OPCML: variants seen among roughly 807,000 people sequenced by gnomAD.
OPCML encodes opioid binding protein/cell adhesion molecule like.
In OPCML, 13 loss-of-function variants were observed where a neutral mutation model predicts 37.8. That is an observed-to-expected ratio of 0.34 (90% CI 0.22 to 0.55). The LOEUF (loss-of-function observed/expected upper bound fraction) is 0.55, where lower values mean the gene tolerates loss of function less well. OPCML is among the 20% of genes least tolerant of loss of function. OPCML has a pLI of 0.91. For missense variants in OPCML, 341 were observed against 435.6 expected, an observed-to-expected ratio of 0.78 and a Z score of 1.93; for synonymous variants, 176 against 168.8, an observed-to-expected ratio of 1.04 and a Z score of -0.33.
chr11:133,483,221 A>G (rs1157082630), intron 1 of OPCML, among the ~76,000 whole-genome samples: 2 of 152,134 alleles, frequency 1.3e-5, no homozygotes, highest in Non-Finnish European at 1.5e-5. Context: ...ATCTGGAAGA[A>G]TGGCAAAATT....
intron 3 of OPCML, among the ~76,000 whole-genome samples, chr11:132,548,724 G>A (rs147170763): frequency 7.6e-4 from 115 of 152,258 alleles, no homozygotes; most frequent in African/African-American, 2.6e-3. Context: ...CTGGACCCAA[G>A]TTAAATTCAA....
rs535286172 is a variant in OPCML at position 133,046,107 on chromosome 11, C to T, written c.62-103097G>A. Among the ~76,000 whole-genome samples, 24 of 152,266 alleles carry T rather than the reference C, an allele frequency of 1.6e-4. 1 individual carries two copies. In the South Asian group the frequency reaches 1.7e-3, roughly 11 times the overall value. ...CTGGAGACACCAGCCCGAGATTCGA[C>T]CTGGGGAAGTGTGTGAGAACCTGTA... On this transcript the variant is annotated intron_variant, in intron 1 of 7. Transcript: ENST00000524381.
intron 1 of OPCML, among the ~76,000 whole-genome samples, chr11:133,530,754 A>T (rs1247800939): frequency 6.6e-6 from 1 of 152,236 alleles, no homozygotes; most frequent in Non-Finnish European, 1.5e-5. Flanking sequence ...TCCCTGCTTT[A>T]AAAAGTGCCA....
chr11:133,512,917 A>T (rs762818601), intron 1 of OPCML, among the ~76,000 whole-genome samples: 1 of 152,240 alleles, frequency 6.6e-6, no homozygotes, highest in Non-Finnish European at 1.5e-5. Flanking sequence ...TTCTTATTAT[A>T]TCACAATATC....
At chr11:132,731,361 G>A (rs1374071302) in intron 2 of OPCML, among the ~76,000 whole-genome samples, 1 of 152,176 alleles carries the variant, frequency 6.6e-6, no homozygotes, top group African/African-American at 2.4e-5. Context: ...TAATAAATCT[G>A]ATGGTGATGC....
intron 2 of OPCML, among the ~76,000 whole-genome samples, chr11:132,900,746 G>T (rs1403137832): frequency 6.6e-6 from 1 of 152,002 alleles, no homozygotes; most frequent in Non-Finnish European, 1.5e-5. Flanking sequence ...ACTAACTCCA[G>T]CTCCTTCATG....
intron 1 of OPCML, chr11:133,025,106 T>C: frequency 5.3e-6 from 4 of 750,838 alleles, no homozygotes; most frequent in Non-Finnish European, 6.5e-6. Flanking sequence ...TTTTCCTTCA[T>C]AGGGAGGAAA....
intron 2 of OPCML, among the ~76,000 whole-genome samples, chr11:132,914,713 T>C (rs1365703378): frequency 2.0e-5 from 3 of 152,140 alleles, no homozygotes; most frequent in African/African-American, 7.2e-5. Context: ...TACCAACCCA[T>C]AGCAGCCACT....
At chr11:133,374,467 G>C (rs558234768) in intron 1 of OPCML, among the ~76,000 whole-genome samples, 1 of 152,158 alleles carries the variant, frequency 6.6e-6, no homozygotes, top group Non-Finnish European at 1.5e-5. Flanking sequence ...GTAGTCTATC[G>C]TGTGTCCATT....
chr11:133,156,014 C>T (rs980957716), intron 1 of OPCML, among the ~76,000 whole-genome samples: 1 of 152,178 alleles, frequency 6.6e-6, no homozygotes, highest in Non-Finnish European at 1.5e-5. Flanking sequence ...GAGAGCAAGA[C>T]ACTCTGCCAC....
intron 1 of OPCML, among the ~76,000 whole-genome samples, chr11:133,270,355 AG>A (rs1941791833): frequency 6.6e-6 from 1 of 152,062 alleles, no homozygotes; most frequent in Admixed American, 6.5e-5. Context: ...AATATCACAC[AG>A]TTGGGACAAA....
intron 2 of OPCML, among the ~76,000 whole-genome samples, chr11:132,680,777 T>C (rs59037315): frequency 0.018 from 2,748 of 152,314 alleles, 72 homozygotes; most frequent in African/African-American, 0.052. Flanking sequence ...AGCCAGGCCC[T>C]AGCTTGAATC....
intron 1 of OPCML, among the ~76,000 whole-genome samples, chr11:133,450,491 G>T (rs1199918551): frequency 3.3e-5 from 5 of 151,332 alleles, no homozygotes; most frequent in African/African-American, 1.2e-4. Context: ...ATAATATGGA[G>T]ACTGGGCAGG....
At position 132,418,866 on chromosome 11, in the gene OPCML, C is replaced by G. The variant is rs2095947616; in HGVS notation, c.*1327G>C. On this transcript the variant is annotated 3_prime_UTR_variant, in exon 8 of 8. Coordinates refer to ENST00000524381, the MANE Select transcript of OPCML (RefSeq NM_001012393.5). Reference sequence around the variant, plus strand: ...TTGAGAGAAGCATAAAGGCTGGCACCTTTGTCCTTCAAGTGCAAAAGGAAA... The same window carrying G: ...TTGAGAGAAGCATAAAGGCTGGCACGTTTGTCCTTCAAGTGCAAAAGGAAA... 2.0e-5 allele frequency: 3 copies of G among 152,626 alleles called. No homozygotes were observed. 9.5% of individuals were successfully genotyped at this position (152,626 alleles called of 1,614,324 possible).
At position 132,886,807 on chromosome 11, in the gene OPCML, T is replaced by G. The variant is rs139966380; in HGVS notation, c.146+56119A>C. Among the ~76,000 whole-genome samples, 812 of 152,256 alleles carry G rather than the reference T, an allele frequency of 5.3e-3. 11 individuals carry two copies. The highest frequency in any genetic ancestry group is 0.019 in the African/African-American group (773 of 41,544). ...TGGAAATGAAAATTGCCACAACTGT[T>G]TTAAAAGCCAGTGCCCCTGCCTCTG... On this transcript the variant is annotated intron_variant, in intron 2 of 7. Coordinates refer to ENST00000524381, the MANE Select transcript of OPCML (RefSeq NM_001012393.5).
chr11:132,701,162 A>G (rs1025128868), intron 2 of OPCML, among the ~76,000 whole-genome samples: 4 of 152,230 alleles, frequency 2.6e-5, no homozygotes, highest in Admixed American at 6.5e-5. Context: ...CCTTACAATC[A>G]TGGTGGAAGA....
intron 4 of OPCML, among the ~76,000 whole-genome samples, chr11:132,505,429 A>C (rs2096254640): frequency 6.6e-6 from 1 of 152,246 alleles, no homozygotes; most frequent in Non-Finnish European, 1.5e-5. Flanking sequence ...ATCGGCTTCC[A>C]GAACCCTAAT....
At chr11:132,673,057 T>C (rs1361784672) in intron 2 of OPCML, among the ~76,000 whole-genome samples, 2 of 152,170 alleles carry the variant, frequency 1.3e-5, no homozygotes, top group Non-Finnish European at 2.9e-5. Context: ...CTGTTGATAC[T>C]TCTAAGTCAT....
At chr11:132,920,595 C>T (rs1378705278) in intron 2 of OPCML, among the ~76,000 whole-genome samples, 3 of 152,162 alleles carry the variant, frequency 2.0e-5, no homozygotes, top group African/African-American at 4.8e-5. Flanking sequence ...CCAGGACAGC[C>T]GCGGCCCCTG....
Sources: gnomAD v4.1 joint callset for allele counts (sites outside exome capture counted in the v4.1 genomes callset) on GRCh38, gnomAD v4.1.1 for gene constraint, MANE v1.5 for transcripts, NCBI Gene and HGNC (gene_info 2026-07-23, HGNC 2026-07-21) for gene names.